SDHC: variants seen among roughly 807,000 people sequenced by gnomAD.
SDHC encodes succinate dehydrogenase cytochrome b560 subunit, mitochondrial.
SDHC carries 11 observed loss-of-function variants against 22.6 expected under a neutral mutation model. That is an observed-to-expected ratio of 0.49 (90% confidence interval 0.31 to 0.81). The LOEUF is 0.81. Ranked by LOEUF, SDHC falls within the 30% of genes least tolerant of loss-of-function variation. The pLI is 0.05. For synonymous variants in SDHC, 80 were observed against 77.8 expected, an observed-to-expected ratio of 1.03 and a Z score of -0.15; for missense variants, 160 against 212.0, an observed-to-expected ratio of 0.75 and a Z score of 1.52.
chr1:161,340,332 G>C (rs1483655723), intron 3 of SDHC, among the ~76,000 whole-genome samples: 1 of 149,140 alleles, frequency 6.7e-6, no homozygotes, highest in African/African-American at 2.5e-5. Context: ...TGCAAAAGCT[G>C]GTGATTTTTT....
intron 4 of SDHC, among the ~76,000 whole-genome samples, chr1:161,347,936 G>C (rs2102351649): frequency 6.6e-6 from 1 of 152,202 alleles, no homozygotes; most frequent in South Asian, 2.1e-4. Flanking sequence ...GCCAAATGGT[G>C]AAGGACTTTG....
chr1:161,323,776 A>G (rs960685032), intron 2 of SDHC, 106 bp downstream of exon 2: 1 of 779,700 alleles, frequency 1.3e-6, no homozygotes, highest in African/African-American at 1.8e-5. Context: ...GCTCACTGCA[A>G]GCGCCGCCTC....
chr1:161,349,083 T>C (rs150114049), intron 4 of SDHC, among the ~76,000 whole-genome samples: 2 of 152,306 alleles, frequency 1.3e-5, no homozygotes, highest in African/African-American at 4.8e-5. Context: ...TGAACCAATA[T>C]ATACAGATAT....
intron 4 of SDHC, among the ~76,000 whole-genome samples, chr1:161,353,855 A>C (rs1307908103): frequency 1.3e-5 from 2 of 152,106 alleles, no homozygotes; most frequent in African/African-American, 4.8e-5. Context: ...ATCCACATAA[A>C]TGGAAAGAAA....
At chr1:161,347,558 G>A (rs574549751) in intron 4 of SDHC, among the ~76,000 whole-genome samples, 1 of 150,656 alleles carries the variant, frequency 6.6e-6, no homozygotes, top group East Asian at 2.0e-4. Context: ...CCCGGCTGAG[G>A]TCTGTTTCTT....
intron 3 of SDHC, among the ~76,000 whole-genome samples, chr1:161,332,542 G>A (rs35949692): frequency 2.0e-5 from 3 of 151,972 alleles, no homozygotes; most frequent in Non-Finnish European, 4.4e-5. Context: ...TATACCATAC[G>A]GTTCACACAT....
intron 4 of SDHC, among the ~76,000 whole-genome samples, chr1:161,343,011 G>A (rs895879453): frequency 7.9e-5 from 12 of 152,338 alleles, no homozygotes; most frequent in African/African-American, 2.9e-4. Flanking sequence ...CTTGCCAGGA[G>A]ATGGCCCATT....
intron 4 of SDHC, among the ~76,000 whole-genome samples, chr1:161,343,762 CA>C (rs1671799940): frequency 6.6e-6 from 1 of 152,018 alleles, no homozygotes; most frequent in Non-Finnish European, 1.5e-5. Context: ...ACTGAAAGAA[CA>C]AGAGCAGTTT....
chr1:161,340,527 AAG>A, intron 3 of SDHC, 65 bp from the exon 4 acceptor site: 1 of 1,404,644 alleles, frequency 7.1e-7, no homozygotes, highest in Non-Finnish European at 1.0e-6. Flanking sequence ...TATTTTTGCC[AAG>A]ATAGACTCTC....
chr1:161,320,201 G>A (rs1183828272), intron 1 of SDHC, among the ~76,000 whole-genome samples: 1 of 151,982 alleles, frequency 6.6e-6, no homozygotes, highest in African/African-American at 2.4e-5. Context: ...GTTAATGATA[G>A]GATTGGGTGA....
intron 4 of SDHC, among the ~76,000 whole-genome samples, chr1:161,348,801 G>A (rs1160987413): frequency 6.6e-6 from 1 of 151,712 alleles, no homozygotes; most frequent in Non-Finnish European, 1.5e-5. Flanking sequence ...TCGCACCAGT[G>A]CACTCCAGCC....
chr1:161,334,729 T>G (rs1385061774), intron 3 of SDHC, among the ~76,000 whole-genome samples: 1 of 128,744 alleles, frequency 7.8e-6, no homozygotes, highest in Non-Finnish European at 1.6e-5. Context: ...CACTCCCTCT[T>G]TATCTTAAGG....
chr1:161,348,666 C>CAAAAA (rs1159653901), intron 4 of SDHC, among the ~76,000 whole-genome samples: 20 of 70,926 alleles, frequency 2.8e-4, no homozygotes, highest in African/African-American at 6.9e-4. Flanking sequence ...ACTAAAAATC[C>CAAAAA]AAAAAAAAAA....
intron 5 of SDHC, among the ~76,000 whole-genome samples, chr1:161,358,925 C>T (rs1432891503): frequency 1.8e-5 from 2 of 112,740 alleles, no homozygotes; most frequent in East Asian, 5.1e-4. Flanking sequence ...AGCGAAATTC[C>T]GTCTCAAAAA....
chr1:161,339,613 G>A, intron 3 of SDHC: 2 of 1,026,962 alleles, frequency 1.9e-6, no homozygotes, highest in Non-Finnish European at 2.5e-6. Flanking sequence ...CCATAAATCA[G>A]TTTTCTTTAT....
intron 4 of SDHC, among the ~76,000 whole-genome samples, chr1:161,354,543 A>AT (rs948989113): frequency 7.2e-5 from 11 of 151,886 alleles, no homozygotes; most frequent in Non-Finnish European, 1.5e-4. Flanking sequence ...GGGAGTTGTG[A>AT]TGTGGGTACT....
intron 4 of SDHC, among the ~76,000 whole-genome samples, chr1:161,346,825 G>C (rs1037587845): frequency 1.3e-5 from 2 of 152,070 alleles, no homozygotes; most frequent in Non-Finnish European, 2.9e-5. Flanking sequence ...AGATACTCAA[G>C]TCCCTTATAT....
chr1:161,328,351 CA>C, intron 2 of SDHC, 44 bp from the exon 3 acceptor site: 1 of 1,438,082 alleles, frequency 7.0e-7, no homozygotes, highest in Non-Finnish European at 9.8e-7. Flanking sequence ...AATATTAAAC[CA>C]AGTTTACTTT....
intron 3 of SDHC, among the ~76,000 whole-genome samples, chr1:161,330,659 A>C (rs1473663450): frequency 6.6e-6 from 1 of 151,978 alleles, no homozygotes; most frequent in Non-Finnish European, 1.5e-5. Context: ...TCTCTCTGTC[A>C]CTTTTAGTCT....
Sources: gnomAD v4.1 joint callset for allele counts (sites outside exome capture counted in the v4.1 genomes callset) on GRCh38, gnomAD v4.1.1 for gene constraint, MANE v1.5 for transcripts, NCBI Gene and HGNC (gene_info 2026-07-23, HGNC 2026-07-21) for gene names.